ZSWIM6: variants seen among roughly 807,000 people sequenced by gnomAD.
ZSWIM6 encodes zinc finger SWIM-type containing 6, also known as zinc finger SWIM domain-containing protein 6.
In ZSWIM6, 9 loss-of-function variants were observed where a neutral mutation model predicts 113.2. That is an observed-to-expected ratio of 0.08 (90% CI 0.05 to 0.14). The LOEUF (loss-of-function observed/expected upper bound fraction) is 0.14. ZSWIM6 is among the 10% of genes least tolerant of loss of function. The pLI is 1.00. For missense variants in ZSWIM6, 1,162 were observed against 1,552.2 expected (o/e 0.75, Z 4.22); for synonymous variants, 611 against 606.5 (o/e 1.01, Z -0.11).
At chr5:61,508,424 A>C (rs1468510448) in intron 4 of ZSWIM6, among the ~76,000 whole-genome samples, 1 of 152,190 alleles carries the variant, frequency 6.6e-6, no homozygotes. Context: ...TTAAATTTTC[A>C]TAATGACTTC....
intron 3 of ZSWIM6, among the ~76,000 whole-genome samples, chr5:61,492,033 A>T (rs1046207447): frequency 1.3e-5 from 2 of 152,094 alleles, no homozygotes; most frequent in African/African-American, 4.8e-5. Context: ...AGGCACTTCA[A>T]ACTCATGTCA....
chr5:61,363,420 A>G (rs1432438914), intron 1 of ZSWIM6, among the ~76,000 whole-genome samples: 1 of 152,222 alleles, frequency 6.6e-6, no homozygotes, highest in Non-Finnish European at 1.5e-5. Flanking sequence ...ATAAGATTTT[A>G]TAGTACTTAC....
intron 4 of ZSWIM6, among the ~76,000 whole-genome samples, chr5:61,509,409 T>C (rs1167593874): frequency 6.6e-6 from 1 of 152,146 alleles, no homozygotes; most frequent in African/African-American, 2.4e-5. Context: ...AAAGATACTG[T>C]GGGAGGTGAT....
At chr5:61,384,506 T>G (rs1004104917) in intron 1 of ZSWIM6, among the ~76,000 whole-genome samples, 4 of 152,158 alleles carry the variant, frequency 2.6e-5, no homozygotes, top group African/African-American at 9.7e-5. Flanking sequence ...TCATAAAACC[T>G]GATGAACAGT....
chr5:61,413,043 T>C (rs1746176902), intron 1 of ZSWIM6, among the ~76,000 whole-genome samples: 1 of 151,928 alleles, frequency 6.6e-6, no homozygotes, highest in South Asian at 2.1e-4. Context: ...TTATTATACT[T>C]TAAGTTTTAG....
intron 1 of ZSWIM6, 42 bp downstream of exon 1, chr5:61,332,990 G>A: frequency 9.3e-7 from 1 of 1,074,482 alleles, no homozygotes; most frequent in Non-Finnish European, 1.2e-6. Context: ...CCGTCCGTCA[G>A]TCCCTGGGTG....
chr5:61,453,437 G>A (rs911485429), intron 1 of ZSWIM6, among the ~76,000 whole-genome samples: 2 of 149,976 alleles, frequency 1.3e-5, no homozygotes, highest in African/African-American at 2.5e-5. Context: ...TTACAGCGGC[G>A]TGATCTTGGC....
At chr5:61,340,961 A>C (rs1744532451) in intron 1 of ZSWIM6, among the ~76,000 whole-genome samples, 1 of 152,246 alleles carries the variant, frequency 6.6e-6, no homozygotes, top group Non-Finnish European at 1.5e-5. Context: ...CAGAAAAAGG[A>C]TTGTTAACTA....
At chr5:61,501,326 T>G (rs1374595671) in intron 4 of ZSWIM6, among the ~76,000 whole-genome samples, 1 of 152,192 alleles carries the variant, frequency 6.6e-6, no homozygotes, top group Admixed American at 6.5e-5. Context: ...AAAGAGAGAA[T>G]GTATGGGCAA....
intron 4 of ZSWIM6, among the ~76,000 whole-genome samples, chr5:61,500,131 T>C (rs1748426950): frequency 6.7e-6 from 1 of 149,904 alleles, no homozygotes; most frequent in South Asian, 2.1e-4. Flanking sequence ...ATTATTATCA[T>C]TATCATTATT....
intron 4 of ZSWIM6, among the ~76,000 whole-genome samples, chr5:61,519,049 C>T (rs1749039498): frequency 6.6e-6 from 1 of 152,038 alleles, no homozygotes; most frequent in Non-Finnish European, 1.5e-5. Flanking sequence ...ATAGGGAATC[C>T]TTTCCCCATT....
rs976593894 is a variant in ZSWIM6, at chr5:61,333,499, G to T, written c.676+551G>T. Among the ~76,000 whole-genome samples, 5 of 151,966 alleles carry T rather than the reference G, an allele frequency of 3.3e-5. No individual in the cohort carries two copies. The East Asian group carries it at 9.7e-4, about 29-fold the overall frequency. Reference sequence around the variant, plus strand: ...GAGGGGAATACACTTAAAGCCGCTCGGCCGCCGCTCCTCCCAGGGCTCCGA... The same window carrying T: ...GAGGGGAATACACTTAAAGCCGCTCTGCCGCCGCTCCTCCCAGGGCTCCGA... On this transcript the variant is annotated intron_variant, in intron 1 of 13. Coordinates refer to ENST00000252744, the MANE Select transcript of ZSWIM6 (RefSeq NM_020928.2).
Position 61,332,873 on chromosome 5 carries a change from G to T in ZSWIM6, c.601G>T (p.Asp201Tyr). 7.9e-7 allele frequency: 1 copy of T among 1,270,352 alleles called. No individual in the cohort carries two copies. Among genetic ancestry groups the T allele is most frequent in the South Asian group, 1.8e-5 (1 of 54,438 alleles). 78.7% of individuals were successfully genotyped at this position (1,270,352 alleles called of 1,614,324 possible). A position where few individuals can be genotyped will look rare whatever the true frequency, so the allele number is the denominator to read the frequency against. The stretch of plus-strand genomic sequence containing the variant: ...GGCTGCCGGGGCGGCGGACGGCGGC[G>T]ACGAGACGCGGCTGCCTTTCCGCCG... ...VGAAGAADGG[D>Y]ETRLPFRRGI... Residue 201 changes from aspartate (D) to tyrosine (Y), a missense_variant, in exon 1 of 14, where the codon GAC becomes TAC. By Grantham distance (160) the Asp-to-Tyr change is radical (BLOSUM62 -3). Transcript: ENST00000252744.
intron 1 of ZSWIM6, among the ~76,000 whole-genome samples, chr5:61,434,807 G>GA (rs1423273933): frequency 6.6e-6 from 1 of 151,934 alleles, no homozygotes; most frequent in African/African-American, 2.4e-5. Flanking sequence ...TGGAGGATGT[G>GA]AAAAAAAGAA....
chr5:61,538,899 C>G lies in ZSWIM6; in HGVS notation c.2467C>G (p.Arg823Gly). ...IASVVPNRYP[R>G]WFTLSHIESQ... ...ATCAGTTGTTCCCAACCGCTACCCT[C>G]GCTGGTTCACTCTAAGCCACATTGA... is the stretch of plus-strand genomic sequence containing the variant. The change falls in exon 11 of 14, where the codon CGC (arginine) becomes GGC (glycine). Residue 823 changes from arginine to glycine, a missense_variant. By Grantham distance (125) the Arg-to-Gly change is moderately radical. This residue lies in a region of ZSWIM6 where 620 missense variants were observed against 804.6 expected (regional missense o/e 0.77). Transcript: ENST00000252744. The G allele has an allele frequency of 6.4e-7, 1 of 1,552,254 alleles. No individual in the cohort carries two copies. Among genetic ancestry groups the G allele is most frequent in the Non-Finnish European group, 8.7e-7 (1 of 1,147,108 alleles).
chr5:61,473,297 A>G (rs879623055), intron 2 of ZSWIM6, among the ~76,000 whole-genome samples: 11 of 152,208 alleles, frequency 7.2e-5, no homozygotes, highest in Non-Finnish European at 1.0e-4. Flanking sequence ...GTCACATTTC[A>G]TCAAGTACTA....
chr5:61,422,996 A>T (rs1746385346), intron 1 of ZSWIM6, among the ~76,000 whole-genome samples: 1 of 152,200 alleles, frequency 6.6e-6, no homozygotes, highest in African/African-American at 2.4e-5. Context: ...ATTTGGAAAC[A>T]AGGATAATTT....
chr5:61,483,317 C>G (rs1269966200), intron 2 of ZSWIM6, among the ~76,000 whole-genome samples: 3 of 152,178 alleles, frequency 2.0e-5, no homozygotes, highest in East Asian at 3.9e-4. Context: ...TTAATACATT[C>G]ACCAGGGCAG....
At chr5:61,456,652 A>G (rs936208218) in intron 1 of ZSWIM6, among the ~76,000 whole-genome samples, 42 of 152,200 alleles carry the variant, frequency 2.8e-4, no homozygotes, top group African/African-American at 1.0e-3. Context: ...GTGAAGGATA[A>G]GGGAAAGAGG....
Sources: gnomAD v4.1 joint callset for allele counts (sites outside exome capture counted in the v4.1 genomes callset) on GRCh38, gnomAD v4.1.1 for gene constraint, gnomAD v4.1.1 regional missense constraint, MANE v1.5 for transcripts, NCBI Gene and HGNC (gene_info 2026-07-23, HGNC 2026-07-21) for gene names.